GLIS2: variants seen among roughly 807,000 people sequenced by gnomAD.
The protein encoded by GLIS2 is GLIS family zinc finger 2.
Under a neutral mutation model 35.6 loss-of-function variants are expected in GLIS2, and 14 were observed. The ratio of observed to expected loss-of-function variants is 0.39; its 90% CI spans 0.26 to 0.61. The LOEUF (loss-of-function observed/expected upper bound fraction) is 0.61, where lower values mean the gene tolerates loss of function less well. GLIS2 is among the 20% of genes least tolerant of loss of function. The probability of loss-of-function intolerance (pLI) is 0.48; values close to 1 mark genes in which losing one functional copy is unlikely to be tolerated. For synonymous variants in GLIS2, 368 were observed against 325.1 expected (o/e 1.13, Z -1.42); for missense variants, 675 against 713.4 (o/e 0.95, Z 0.61).
intron 2 of GLIS2, among the ~76,000 whole-genome samples, chr16:4,333,020 T>C (rs1024461899): frequency 2.0e-5 from 3 of 152,170 alleles, no homozygotes; most frequent in Admixed American, 2.0e-4. Context: ...GAAAGGTTCC[T>C]ACCTGCCCGT....
At position 4,335,126 on chromosome 16, in the gene GLIS2, G is replaced by A. The variant is rs1043516792; in HGVS notation, c.589G>A (p.Glu197Lys). The A allele has an allele frequency of 1.5e-5, 24 of 1,613,290 alleles. No individual in the cohort carries two copies. Among genetic ancestry groups the A allele is most frequent in the East Asian group, 2.2e-5 (1 of 44,898 alleles). The change falls in exon 5 of 7, where the codon GAG becomes AAG. Residue 197 changes from glutamate to lysine, a missense_variant. Glu to Lys is a moderately conservative substitution (Grantham distance 56, BLOSUM62 1). Transcript: ENST00000433375. The surrounding 1 kb of genome is among the most constrained non-coding windows in gnomAD (Gnocchi z 4.6). ...DHVNDYHVKPEKDAGYCCHWE... is the reference protein window; with the variant it reads ...DHVNDYHVKPKKDAGYCCHWE... ...TGTCAACGATTACCATGTCAAGCCCGAGAAGGATGCGGGGTACTGCTGCCA... is the reference window on the plus strand; with the variant it reads ...TGTCAACGATTACCATGTCAAGCCCAAGAAGGATGCGGGGTACTGCTGCCA...
At chr16:4,314,987 G>C (rs1384830010), upstream of GLIS2, 3 of 152,304 alleles carry the variant, frequency 2.0e-5, no homozygotes, top group African/African-American at 4.8e-5. Flanking sequence ...GGTTCAACAC[G>C]AGGCAGAAAA....
intron 1 of GLIS2, among the ~76,000 whole-genome samples, chr16:4,322,629 C>A (rs138161182): frequency 7.9e-5 from 12 of 152,034 alleles, no homozygotes; most frequent in African/African-American, 1.9e-4. Context: ...CAGCCCCCCC[C>A]CTACACTGTT....
At position 4,320,121 on chromosome 16, in the gene GLIS2, G is replaced by A. The variant is rs1195738393; in HGVS notation, c.-67+3867G>A. On this transcript the variant is annotated intron_variant, in intron 1 of 6. Transcript: ENST00000433375. The surrounding 1 kb of genome is among the most constrained non-coding windows in gnomAD (Gnocchi z 5.6). ...AGAGGCCAGGTAGTGCCCACCGCAG[G>A]GAGGGGCCGGCCTGTGAGTGTCACA... Among the ~76,000 whole-genome samples, 4 of 152,140 alleles carry A rather than the reference G, an allele frequency of 2.6e-5. No individual in the cohort carries two copies. The highest frequency in any genetic ancestry group is 5.9e-5 in the Non-Finnish European group (4 of 68,006).
intron 1 of GLIS2, among the ~76,000 whole-genome samples, chr16:4,319,877 C>T (rs111424236): frequency 6.6e-6 from 1 of 152,284 alleles, no homozygotes; most frequent in African/African-American, 2.4e-5. Context: ...TCCACTCCCC[C>T]ACTCCCCCAG....
chr16:4,329,186 C>T (rs892777552), intron 1 of GLIS2: 2 of 152,250 alleles, frequency 1.3e-5, no homozygotes, highest in African/African-American at 4.8e-5. Flanking sequence ...GGACGATAGA[C>T]ACACAGATAG....
chr16:4,328,968 C>T (rs1367334385), intron 1 of GLIS2: 5 of 98,230 alleles, frequency 5.1e-5, no homozygotes, highest in African/African-American at 1.6e-4. Context: ...TCCCCTTCTC[C>T]GGAAGGGTGG....
At chr16:4,316,060 C>G (rs1309709539), upstream of GLIS2, among the ~76,000 whole-genome samples, 34 of 144,730 alleles carry the variant, frequency 2.3e-4, no homozygotes, top group Admixed American at 2.0e-4. Context: ...GCCCGGCCGC[C>G]GCGGCCACCT....
At chr16:4,327,705 C>T (rs2053448915) in intron 1 of GLIS2, among the ~76,000 whole-genome samples, 1 of 151,744 alleles carries the variant, frequency 6.6e-6, no homozygotes, top group African/African-American at 2.4e-5. Context: ...CCCCGCCCTG[C>T]GGTGGGTGGG....
chr16:4,331,701 G>A (rs1201770281), intron 1 of GLIS2: 1 of 161,682 alleles, frequency 6.2e-6, no homozygotes, highest in Non-Finnish European at 1.4e-5. Flanking sequence ...CAGCGTTTTG[G>A]GAGGCCAAGG....
chr16:4,338,321 G>C lies in GLIS2; in HGVS notation c.*797G>C, dbSNP rs991253481. The C allele has an allele frequency of 6.6e-6, 1 of 152,402 alleles. No individual in the cohort carries two copies. The highest frequency in any genetic ancestry group is 2.1e-4 in the South Asian group (1 of 4,838). 9.4% of individuals were successfully genotyped at this position (152,402 alleles called of 1,614,324 possible). A position where few individuals can be genotyped will look rare whatever the true frequency, so the allele number is the denominator to read the frequency against. ...AAGGGGAGGTGCCAGGCCAGCTGTG[G>C]TGCCAAGATACTGAGTGACCTGGGC... On this transcript the variant is annotated 3_prime_UTR_variant, in exon 7 of 7. Transcript: ENST00000433375.
chr16:4,321,747 G>C (rs565771676), intron 1 of GLIS2, among the ~76,000 whole-genome samples: 10 of 152,146 alleles, frequency 6.6e-5, no homozygotes, highest in African/African-American at 2.2e-4. Context: ...GGAGCTGCCC[G>C]GCGTCCCAGA....
chr16:4,325,090 C>G (rs2053416658), intron 1 of GLIS2, among the ~76,000 whole-genome samples: 1 of 152,200 alleles, frequency 6.6e-6, no homozygotes, highest in South Asian at 2.1e-4. Context: ...GGCAGCAGAT[C>G]TGCCCTCGGC....
chr16:4,331,302 C>G (rs2053494192), intron 1 of GLIS2, among the ~76,000 whole-genome samples: 1 of 152,132 alleles, frequency 6.6e-6, no homozygotes, highest in Non-Finnish European at 1.5e-5. Flanking sequence ...GAACCACAAA[C>G]AATGGCATGA....
intron 1 of GLIS2, among the ~76,000 whole-genome samples, chr16:4,316,901 C>T (rs1372561534): frequency 2.6e-5 from 4 of 152,144 alleles, no homozygotes; most frequent in Admixed American, 2.0e-4. Flanking sequence ...CCATACTCGC[C>T]GGAGGGCGGG....
At chr16:4,324,381 C>T (rs780781202) in intron 1 of GLIS2, among the ~76,000 whole-genome samples, 59 of 152,330 alleles carry the variant, frequency 3.9e-4, no homozygotes, top group Admixed American at 1.6e-3. Context: ...CAGGCCTTCC[C>T]GGGGCCTTGT....
chr16:4,335,811 T>C lies in GLIS2; in HGVS notation c.775+418T>C. The C allele has an allele frequency of 8.3e-6, 2 of 240,328 alleles. No individual in the cohort carries two copies. The highest frequency in any genetic ancestry group is 1.7e-5 in the Non-Finnish European group (2 of 120,806). 14.9% of individuals were successfully genotyped at this position (240,328 alleles called of 1,614,324 possible). On this transcript the variant is annotated intron_variant, in intron 6 of 6. Coordinates refer to ENST00000433375, the MANE Select transcript of GLIS2 (RefSeq NM_032575.3). The surrounding 1 kb of genome is among the most constrained non-coding windows in gnomAD (Gnocchi z 4.6). Reference sequence around the variant, plus strand: ...TAAATGGGTGAAATTAATTGTAATATGGTTCGTTGACCCCGGTACATCCAA... The same window carrying C: ...TAAATGGGTGAAATTAATTGTAATACGGTTCGTTGACCCCGGTACATCCAA...
chr16:4,336,995 G>A lies in GLIS2; in HGVS notation c.1046G>A (p.Ser349Asn). Residue 349 changes from serine (S) to asparagine (N), a missense_variant, in exon 7 of 7, where the codon AGT becomes AAT. By Grantham distance (46) the Ser-to-Asn change is conservative. Coordinates refer to ENST00000433375, the MANE Select transcript of GLIS2 (RefSeq NM_032575.3). ...GCCCCCGACGGCGGCCCCTATGTCA[G>A]TGGGGCCCAGATCATCATCCCCAAC... is the stretch of plus-strand genomic sequence containing the variant. ...LPAPDGGPYVSGAQIIIPNPA... is the reference protein window; with the variant it reads ...LPAPDGGPYVNGAQIIIPNPA... 6.2e-7 allele frequency: 1 copy of A among 1,607,448 alleles called. No individual in the cohort carries two copies. The highest frequency in any genetic ancestry group is 2.2e-5 in the East Asian group (1 of 44,728).
intron 1 of GLIS2, among the ~76,000 whole-genome samples, chr16:4,317,057 C>T (rs2053321159): frequency 6.6e-6 from 1 of 152,172 alleles, no homozygotes; most frequent in African/African-American, 2.4e-5. Flanking sequence ...CAGCAGGGTA[C>T]TCGGGCCACA....
Sources: gnomAD v4.1 joint callset for allele counts (sites outside exome capture counted in the v4.1 genomes callset) on GRCh38, gnomAD v4.1.1 for gene constraint, Gnocchi (gnomAD v3.1) non-coding constraint, MANE v1.5 for transcripts, NCBI Gene and HGNC (gene_info 2026-07-23, HGNC 2026-07-21) for gene names.